The following ST3GAL3 variants were observed in gnomAD, a reference collection of about 807,000 sequenced individuals.
The protein encoded by ST3GAL3 is ST3 beta-galactoside alpha-2,3-sialyltransferase 3.
ST3GAL3 carries 21 observed loss-of-function variants against 50.1 expected under a neutral mutation model. The observed-to-expected ratio is 0.42, with a 90% CI of 0.30 to 0.60. The LOEUF (loss-of-function observed/expected upper bound fraction) is 0.60. Ranked by LOEUF, ST3GAL3 falls within the 20% of genes least tolerant of loss-of-function variation. ST3GAL3 has a pLI of 0.19. For synonymous variants in ST3GAL3, 183 were observed against 190.0 expected, an observed-to-expected ratio of 0.96 and a Z score of 0.30; for missense variants, 353 against 489.4, an observed-to-expected ratio of 0.72 and a Z score of 2.63.
intron 9 of ST3GAL3, among the ~76,000 whole-genome samples, chr1:43,905,206 C>T (rs111214141): frequency 2.8e-5 from 3 of 105,670 alleles, no homozygotes; most frequent in South Asian, 4.8e-4. Context: ...TCTTCCTCCC[C>T]CTCCTCCTGT....
chr1:43,765,784 T>TGTGTGC (rs757167336), intron 2 of ST3GAL3, among the ~76,000 whole-genome samples: 197 of 136,924 alleles, frequency 1.4e-3, no homozygotes, highest in Non-Finnish European at 2.0e-3. Flanking sequence ...TGTGTGTGTG[T>TGTGTGC]GCGCGCGCGC....
chr1:43,900,674 T>C (rs893454924), intron 9 of ST3GAL3: 9 of 152,192 alleles, frequency 5.9e-5, no homozygotes, highest in African/African-American at 2.2e-4. Flanking sequence ...TTTCCAGAGG[T>C]TTAGAGAAGA....
intron 2 of ST3GAL3, among the ~76,000 whole-genome samples, chr1:43,744,683 T>TAAATAAATAAAG (rs1340747335): frequency 7.0e-6 from 1 of 143,066 alleles, no homozygotes; most frequent in Non-Finnish European, 1.5e-5. Flanking sequence ...AATAAATAAA[T>TAAATAAATAAAG]AAATAAAATA....
chr1:43,837,746 G>A (rs72886901), intron 4 of ST3GAL3, among the ~76,000 whole-genome samples: 2 of 152,156 alleles, frequency 1.3e-5, no homozygotes, highest in African/African-American at 4.8e-5. Context: ...CAAGGCGAGA[G>A]GATCGCTTGA....
chr1:43,875,978 T>C (rs2074039724), intron 5 of ST3GAL3, among the ~76,000 whole-genome samples: 2 of 146,604 alleles, frequency 1.4e-5, no homozygotes, highest in South Asian at 2.2e-4. Flanking sequence ...ATTATTATTA[T>C]TATTTTTGAG....
rs566471807 is a variant in ST3GAL3 at position 43,734,189 on chromosome 1, T to C, written c.-30-2044T>C. The stretch of plus-strand genomic sequence containing the variant: ...TGTTCTTTGGTGAAAGTCTTGCCCA[T>C]TTCTTGCTAAGTTTATTTTTAGTTA... On this transcript the variant is annotated intron_variant, in intron 1 of 11. Transcript: ENST00000347631. Among the ~76,000 whole-genome samples, 130 of 152,258 alleles carry C rather than the reference T, an allele frequency of 8.5e-4. 1 individual carries two copies. Among genetic ancestry groups the C allele is most frequent in the African/African-American group, 3.0e-3 (123 of 41,558 alleles).
chr1:43,742,583 GAA>G (rs1681447665), intron 2 of ST3GAL3, among the ~76,000 whole-genome samples: 1 of 152,166 alleles, frequency 6.6e-6, no homozygotes, highest in African/African-American at 2.4e-5. Context: ...GACATGCAAA[GAA>G]ACAGGAGAAT....
chr1:43,847,145 A>G (rs528823972), intron 5 of ST3GAL3, among the ~76,000 whole-genome samples: 2 of 152,362 alleles, frequency 1.3e-5, no homozygotes, highest in South Asian at 2.1e-4. Flanking sequence ...CCAAAACCAG[A>G]AAATAACAAG....
chr1:43,879,582 C>A, intron 5 of ST3GAL3: 2 of 355,600 alleles, frequency 5.6e-6, no homozygotes, highest in Non-Finnish European at 1.1e-5. Context: ...GAGAGGCAGC[C>A]AAGAAAAAGA....
intron 9 of ST3GAL3, among the ~76,000 whole-genome samples, chr1:43,901,132 T>G (rs141027829): frequency 7.6e-4 from 116 of 152,364 alleles, no homozygotes; most frequent in African/African-American, 2.6e-3. Flanking sequence ...AGATAGACAC[T>G]TTTAAGGGAG....
intron 3 of ST3GAL3, among the ~76,000 whole-genome samples, chr1:43,810,347 C>T (rs1006897558): frequency 6.6e-6 from 1 of 152,064 alleles, no homozygotes; most frequent in African/African-American, 2.4e-5. Context: ...TCAAGAAAAG[C>T]CTCGTAGGGT....
In ST3GAL3 at chr1:43,930,443, G is replaced by A. The variant is rs559850958; in HGVS notation, c.*222G>A. ...GTCCTTGATGCCAGAGGGCCAGCAG[G>A]CTCCTGGCTGTGCCCAGCAGGCCCA... On this transcript the variant is annotated 3_prime_UTR_variant, in exon 12 of 12. Transcript: ENST00000347631. The A allele has an allele frequency of 3.3e-6, 2 of 605,200 alleles. No individual in the cohort carries two copies. The highest frequency in any genetic ancestry group is 2.8e-5 in the East Asian group (1 of 35,576). The allele number at this position is 605,200 out of a possible 1,614,324, so 37.5% of individuals were successfully genotyped here. A position where few individuals can be genotyped will look rare whatever the true frequency, so the allele number is the denominator to read the frequency against.
intron 5 of ST3GAL3, chr1:43,858,423 C>A: frequency 1.1e-6 from 1 of 919,832 alleles, no homozygotes; most frequent in Non-Finnish European, 1.4e-6. Context: ...GAAGCACAGT[C>A]CCTGGTGAGA....
intron 3 of ST3GAL3, among the ~76,000 whole-genome samples, chr1:43,806,393 G>T (rs1316592077): frequency 1.3e-5 from 2 of 152,204 alleles, no homozygotes; most frequent in Non-Finnish European, 2.9e-5. Context: ...CAGATCAAGA[G>T]GTTGCCACGT....
At position 43,736,387 on chromosome 1, in the gene ST3GAL3, A is replaced by G. The variant is rs1234263771; in HGVS notation, c.118+7A>G. 9 of 1,614,182 alleles carry G rather than the reference A, an allele frequency of 5.6e-6. No homozygotes were observed. The South Asian group carries it at 9.9e-5, about 18-fold the overall frequency. ...CAGTGGGAGGAGGACTCCAGTAAGTATAGTCACTCTAGCTCACCCCAGGAG... is the reference window on the plus strand; with the variant it reads ...CAGTGGGAGGAGGACTCCAGTAAGTGTAGTCACTCTAGCTCACCCCAGGAG... On this transcript the variant is annotated splice_region_variant and intron_variant, in intron 2 of 11. Transcript: ENST00000347631.
intron 4 of ST3GAL3, among the ~76,000 whole-genome samples, chr1:43,817,935 A>G (rs1473274054): frequency 1.4e-5 from 2 of 146,108 alleles, no homozygotes; most frequent in Admixed American, 7.0e-5. Flanking sequence ...GGCTCTTGCT[A>G]TGTTGCCCAG....
rs537083785 is a variant in ST3GAL3, at chr1:43,875,274, G to A, written c.303-19109G>A. ...GACAGCAGGTGAGCTATAGATACAT[G>A]GAGGCAGTCAGGGAGTGAGCTTGAG... is the stretch of plus-strand genomic sequence containing the variant. On this transcript the variant is annotated intron_variant, in intron 5 of 11. Coordinates refer to ENST00000347631, the MANE Select transcript of ST3GAL3 (RefSeq NM_006279.5). Among the ~76,000 whole-genome samples the A allele has an allele frequency of 3.9e-5, 6 of 152,292 alleles. No individual in the cohort carries two copies. The South Asian group carries it at 1.2e-3, about 32-fold the overall frequency.
At chr1:43,764,050 CTG>C (rs1691596815) in intron 2 of ST3GAL3, among the ~76,000 whole-genome samples, 1 of 151,916 alleles carries the variant, frequency 6.6e-6, no homozygotes, top group Non-Finnish European at 1.5e-5. Context: ...GCTCTTAGCA[CTG>C]TGTTGTGAAC....
chr1:43,768,377 G>A (rs1426595026), intron 2 of ST3GAL3, among the ~76,000 whole-genome samples: 1 of 152,150 alleles, frequency 6.6e-6, no homozygotes, highest in Non-Finnish European at 1.5e-5. Context: ...GGTGTTCAAG[G>A]CTGCAGTCAG....
Sources: gnomAD v4.1 joint callset for allele counts (sites outside exome capture counted in the v4.1 genomes callset) on GRCh38, gnomAD v4.1.1 for gene constraint, MANE v1.5 for transcripts, NCBI Gene and HGNC (gene_info 2026-07-23, HGNC 2026-07-21) for gene names.